Variants in SV2C observed in about 807,000 individuals in gnomAD.
SV2C encodes the protein synaptic vesicle glycoprotein 2C.
In SV2C, 49 loss-of-function variants were observed where a neutral mutation model predicts 79.7. The observed-to-expected ratio is 0.61, with a 90% confidence interval of 0.49 to 0.78. The LOEUF (loss-of-function observed/expected upper bound fraction) is 0.78. SV2C is among the 30% of genes least tolerant of loss of function. The pLI is 0.00. For synonymous variants in SV2C, 334 were observed against 333.2 expected (o/e 1.00, Z -0.03); for missense variants, 833 against 912.9 (o/e 0.91, Z 1.13).
Position 76,339,521 on chromosome 5 carries a change from T to C in SV2C, c.2001-13609T>C, listed in dbSNP as rs541126005. On this transcript the variant is annotated intron_variant, in intron 12 of 12. Coordinates refer to the SV2C transcript ENST00000322285. ...CGAGGTCAGGAGATCGAGACCATCC[T>C]GGCTAACAAGGTGAAACTCTGTCTC... Among the ~76,000 whole-genome samples, 365 of 152,254 alleles carry C rather than the reference T, an allele frequency of 2.4e-3. 2 individuals carry two copies. The highest frequency in any genetic ancestry group is 8.5e-3 in the African/African-American group (353 of 41,560).
intron 1 of SV2C, among the ~76,000 whole-genome samples, chr5:76,088,644 T>A (rs1302453798): frequency 6.6e-6 from 1 of 152,210 alleles, no homozygotes; most frequent in African/African-American, 2.4e-5. Flanking sequence ...ACATATGAAT[T>A]TGAGAGGGAC....
intron 4 of SV2C, among the ~76,000 whole-genome samples, chr5:76,224,304 C>A (rs148595381): frequency 1.3e-5 from 2 of 152,246 alleles, no homozygotes; most frequent in East Asian, 3.9e-4. Context: ...CATAAGAACG[C>A]CCCATCTCAT....
At chr5:76,345,545 C>T (rs1011487734) in intron 12 of SV2C, among the ~76,000 whole-genome samples, 2 of 152,216 alleles carry the variant, frequency 1.3e-5, no homozygotes, top group Non-Finnish European at 2.9e-5. Context: ...AGACGAGGAA[C>T]ACCACCCTTC....
At chr5:76,302,416 G>C (rs1748040591) in intron 12 of SV2C, among the ~76,000 whole-genome samples, 1 of 152,096 alleles carries the variant, frequency 6.6e-6, no homozygotes, top group African/African-American at 2.4e-5. Context: ...CCTGAGGTCA[G>C]GAGTTTGAGA....
At chr5:76,267,074 A>G (rs933238951) in intron 4 of SV2C, among the ~76,000 whole-genome samples, 2 of 152,196 alleles carry the variant, frequency 1.3e-5, no homozygotes, top group Non-Finnish European at 2.9e-5. Flanking sequence ...ACAAATGTCC[A>G]CCACACGGTG....
At chr5:76,125,881 G>A (rs1313445243) in intron 1 of SV2C, among the ~76,000 whole-genome samples, 6 of 152,004 alleles carry the variant, frequency 3.9e-5, no homozygotes, top group African/African-American at 1.5e-4. Context: ...AACATAAAAA[G>A]ACTTCATCTC....
chr5:76,195,997 C>A (rs961132361), intron 3 of SV2C, among the ~76,000 whole-genome samples: 2 of 151,886 alleles, frequency 1.3e-5, no homozygotes, highest in Admixed American at 1.3e-4. Context: ...CAAAATGAAT[C>A]TGTAGGAATA....
chr5:76,033,892 C>A, the SV2C span, among the ~76,000 whole-genome samples: 1 of 151,506 alleles, frequency 6.6e-6, no homozygotes, highest in Non-Finnish European at 1.5e-5. Flanking sequence ...ATGGAATGTT[C>A]TTCCATTTGT....
At chr5:76,111,935 G>T (rs1748110047) in intron 1 of SV2C, among the ~76,000 whole-genome samples, 1 of 152,134 alleles carries the variant, frequency 6.6e-6, no homozygotes, top group Non-Finnish European at 1.5e-5. Flanking sequence ...GATAAATTTG[G>T]GTGATGCCAC....
the SV2C span, among the ~76,000 whole-genome samples, chr5:75,848,613 T>C: frequency 1.3e-5 from 2 of 152,216 alleles, no homozygotes; most frequent in Admixed American, 6.5e-5. Flanking sequence ...CTTTGGGTTA[T>C]ATGAATAAAA....
intron 4 of SV2C, among the ~76,000 whole-genome samples, chr5:76,255,895 A>G (rs566566979): frequency 6.6e-6 from 1 of 152,230 alleles, no homozygotes; most frequent in East Asian, 1.9e-4. Context: ...CTTCTGGGGG[A>G]AGAGGGCTCA....
the SV2C span, among the ~76,000 whole-genome samples, chr5:75,870,359 A>G: frequency 6.6e-6 from 1 of 152,026 alleles, no homozygotes; most frequent in Admixed American, 6.6e-5. Context: ...TGTGAAATGC[A>G]TTTCACATAG....
chr5:76,260,531 G>A (rs1282660136), intron 4 of SV2C, among the ~76,000 whole-genome samples: 1 of 152,156 alleles, frequency 6.6e-6, no homozygotes, highest in African/African-American at 2.4e-5. Context: ...CCTATGTACT[G>A]AATGGTATTG....
intron 4 of SV2C, among the ~76,000 whole-genome samples, chr5:76,268,620 G>C (rs73766765): frequency 6.6e-6 from 1 of 152,110 alleles, no homozygotes; most frequent in African/African-American, 2.4e-5. Context: ...GAACGCAAAC[G>C]CTTTAGGAAA....
chr5:76,270,766 A>T (rs533497965), intron 4 of SV2C, among the ~76,000 whole-genome samples: 12 of 150,638 alleles, frequency 8.0e-5, no homozygotes, highest in African/African-American at 3.0e-4. Flanking sequence ...TTATTTATTT[A>T]TTTTTATTAT....
chr5:75,973,115 G>T, the SV2C span, among the ~76,000 whole-genome samples: 6 of 151,558 alleles, frequency 4.0e-5, no homozygotes, highest in Non-Finnish European at 7.4e-5. Context: ...TCATAGGTGA[G>T]AATTGAACAA....
At chr5:75,927,464 A>C in the SV2C span, among the ~76,000 whole-genome samples, 9 of 151,872 alleles carry the variant, frequency 5.9e-5, no homozygotes, top group East Asian at 9.8e-4. Context: ...ATACAAGCAG[A>C]GATTAGAATG....
At chr5:75,885,928 A>G in the SV2C span, among the ~76,000 whole-genome samples, 1 of 152,182 alleles carries the variant, frequency 6.6e-6, no homozygotes, top group Non-Finnish European at 1.5e-5. Flanking sequence ...CTGCAAGACA[A>G]GAAGCTATTG....
At chr5:76,281,156 C>A (rs1747181514) in intron 4 of SV2C, 1 of 540,906 alleles carries the variant, frequency 1.8e-6, no homozygotes, top group South Asian at 1.4e-5. Flanking sequence ...GAGAAGGTAT[C>A]ACAACTAGGT....
Sources: gnomAD v4.1 joint callset for allele counts (sites outside exome capture counted in the v4.1 genomes callset) on GRCh38, gnomAD v4.1.1 for gene constraint, MANE v1.5 for transcripts, NCBI Gene and HGNC (gene_info 2026-07-23, HGNC 2026-07-21) for gene names.